FOCAD: variants seen among roughly 807,000 people sequenced by gnomAD.
FOCAD encodes KIAA1797.
FOCAD carries 198 observed loss-of-function variants against 225.6 expected under a neutral mutation model. That is an observed-to-expected ratio of 0.88 (90% CI 0.78 to 0.99). FOCAD has a LOEUF of 0.99. Ranked by LOEUF, FOCAD falls within the 50% of genes least tolerant of loss-of-function variation. The pLI is 0.00. For synonymous variants in FOCAD, 897 were observed against 755.0 expected, an observed-to-expected ratio of 1.19 and a Z score of -3.08; for missense variants, 2,713 against 2,123.6, an observed-to-expected ratio of 1.28 and a Z score of -5.46.
chr9:20,882,399 C>T (rs1830752100), intron 20 of FOCAD, among the ~76,000 whole-genome samples: 1 of 152,176 alleles, frequency 6.6e-6, no homozygotes, highest in Non-Finnish European at 1.5e-5. Context: ...AGATTTTTCT[C>T]ACAGGACATT....
intron 8 of FOCAD, among the ~76,000 whole-genome samples, chr9:20,777,812 G>A (rs1818916873): frequency 6.6e-6 from 1 of 152,090 alleles, no homozygotes; most frequent in Non-Finnish European, 1.5e-5. Flanking sequence ...TTTAAAGATT[G>A]ACTGTTTAGG....
intron 1 of FOCAD, among the ~76,000 whole-genome samples, chr9:20,697,766 A>C (rs1823493396): frequency 6.6e-6 from 1 of 152,250 alleles, no homozygotes; most frequent in African/African-American, 2.4e-5. Context: ...CAAGCAATTA[A>C]AAATGCCCTC....
rs904507961 is a variant in FOCAD at position 20,934,811 on chromosome 9, A to G, written c.3407+1708A>G. On this transcript the variant is annotated intron_variant, in intron 28 of 43. Transcript: ENST00000338382. ...ATGTACCCACATCAGTAGCTCTTCT[A>G]TATACCAACAGTGACCAAGCTGAGA... 2.6e-5 allele frequency among the ~76,000 whole-genome samples: 4 copies of G among 152,148 alleles called. No individual in the cohort carries two copies. The South Asian group carries it at 6.2e-4, about 24-fold the overall frequency.
At chr9:20,802,057 G>A (rs772591495) in intron 11 of FOCAD, among the ~76,000 whole-genome samples, 1 of 152,140 alleles carries the variant, frequency 6.6e-6, no homozygotes, top group Non-Finnish European at 1.5e-5. Flanking sequence ...GCACTCAGCC[G>A]TTAATGTATT....
Position 20,789,396 on chromosome 9 carries a change from A to G in FOCAD, c.1243A>G (p.Ile415Val), listed in dbSNP as rs1335411245. ...CCCTGTAACCAGTATGTATGGTACA[A>G]TATTTACAGCCTGGAGGATTCTTGA... ...VCPVTSMYGT[I>V]FTAWRILEVM... The change falls in exon 11 of 44, where the codon ATA becomes GTA. Residue 415 changes from isoleucine to valine, a missense_variant. Ile to Val is a conservative substitution (Grantham distance 29). Coordinates refer to ENST00000338382, the MANE Select transcript of FOCAD (RefSeq NM_001375567.1). 6.2e-7 allele frequency: 1 copy of G among 1,614,042 alleles called. No individual in the cohort carries two copies. Among genetic ancestry groups the G allele is most frequent in the African/African-American group, 1.3e-5 (1 of 75,018 alleles).
chr9:20,843,210 C>T (rs1826722518), intron 15 of FOCAD, among the ~76,000 whole-genome samples: 1 of 151,996 alleles, frequency 6.6e-6, no homozygotes, highest in Non-Finnish European at 1.5e-5. Flanking sequence ...AATTTTGTGT[C>T]TTCAGATGAT....
At chr9:20,830,115 T>C (rs2131489871) in intron 15 of FOCAD, among the ~76,000 whole-genome samples, 1 of 152,196 alleles carries the variant, frequency 6.6e-6, no homozygotes, top group African/African-American at 2.4e-5. Flanking sequence ...CTTGCTGTTA[T>C]TATGTGTTTT....
intron 8 of FOCAD, among the ~76,000 whole-genome samples, chr9:20,771,912 C>G (rs1175848756): frequency 1.3e-5 from 2 of 152,144 alleles, no homozygotes; most frequent in East Asian, 3.8e-4. Context: ...TCTGTGGTGT[C>G]TTATGAGGAT....
Position 20,961,551 on chromosome 9 carries a change from G to T in FOCAD, c.4132+8486G>T, listed in dbSNP as rs745968576. Among the ~76,000 whole-genome samples, 111 of 152,086 alleles carry T rather than the reference G, an allele frequency of 7.3e-4. 1 individual carries two copies. The highest frequency in any genetic ancestry group is 1.0e-4 in the Non-Finnish European group (7 of 68,018). On this transcript the variant is annotated intron_variant, in intron 35 of 43. Transcript: ENST00000338382. The stretch of plus-strand genomic sequence containing the variant: ...CTGGGGTAATCTTTGTCTCTAGGCC[G>T]TTTCAGTGGACAGAGCTGGGAAACA...
At chr9:20,908,337 G>C (rs1833156217) in intron 22 of FOCAD, among the ~76,000 whole-genome samples, 2 of 151,916 alleles carry the variant, frequency 1.3e-5, no homozygotes, top group Non-Finnish European at 2.9e-5. Context: ...GGGGTGAGAG[G>C]AATGACTGTC....
chr9:20,949,055 A>G, intron 32 of FOCAD, 127 bp downstream of exon 32: 1 of 750,846 alleles, frequency 1.3e-6, no homozygotes, highest in Admixed American at 2.5e-5. Flanking sequence ...GTTACACCAG[A>G]CTTTTTAATG....
chr9:20,712,730 CTTTTTTT>C (rs71334550), intron 1 of FOCAD, among the ~76,000 whole-genome samples: 5 of 93,316 alleles, frequency 5.4e-5, no homozygotes, highest in African/African-American at 1.3e-4. Context: ...CTCCTATATT[CTTTTTTT>C]TTTTTTTTTT....
intron 19 of FOCAD, 92 bp downstream of exon 19, chr9:20,874,899 TA>T: frequency 6.8e-7 from 1 of 1,466,696 alleles, no homozygotes; most frequent in Non-Finnish European, 9.4e-7. Context: ...TAGTATAGTT[TA>T]ACCTTATGTG....
intron 5 of FOCAD, among the ~76,000 whole-genome samples, chr9:20,743,834 C>T (rs146001842): frequency 2.0e-5 from 3 of 152,270 alleles, no homozygotes; most frequent in African/African-American, 4.8e-5. Flanking sequence ...TGGTTCCATA[C>T]GTGAGCTTCA....
intron 28 of FOCAD, among the ~76,000 whole-genome samples, chr9:20,943,263 G>T (rs1200569304): frequency 6.6e-6 from 1 of 152,168 alleles, no homozygotes; most frequent in African/African-American, 2.4e-5. Context: ...CAGCAGTTCT[G>T]CCTGACTAAT....
At chr9:20,874,891 G>C (rs2131796371) in intron 19 of FOCAD, 84 bp downstream of exon 19, 5 of 1,528,510 alleles carry the variant, frequency 3.3e-6, no homozygotes, top group Non-Finnish European at 4.5e-6. Context: ...TAGGTACATA[G>C]TATAGTTTAA....
At chr9:20,832,599 G>A (rs995241017) in intron 15 of FOCAD, among the ~76,000 whole-genome samples, 1 of 151,754 alleles carries the variant, frequency 6.6e-6, no homozygotes, top group African/African-American at 2.4e-5. Context: ...AGTTATTATT[G>A]ACTGTAGTCA....
chr9:20,877,560 TAAACAAATAGCCCTCA>T (rs1432906344), intron 19 of FOCAD, among the ~76,000 whole-genome samples: 1 of 152,182 alleles, frequency 6.6e-6, no homozygotes. Context: ...ACTGTATTCA[TAAACAAATAGCCCTCA>T]AAACAATATG....
At chr9:20,805,184 T>G (rs1434129999) in intron 11 of FOCAD, among the ~76,000 whole-genome samples, 1 of 152,154 alleles carries the variant, frequency 6.6e-6, no homozygotes. Flanking sequence ...CTTTTAAGGG[T>G]CTTTGAATGC....
Sources: allele counts gnomAD v4.1 joint callset (sites outside exome capture counted in the v4.1 genomes callset), GRCh38; gene constraint gnomAD v4.1.1; transcripts MANE v1.5; gene names NCBI Gene and HGNC (gene_info 2026-07-23, HGNC 2026-07-21).